SYNPO2: variants seen among roughly 807,000 people sequenced by gnomAD.
SYNPO2 encodes the protein synaptopodin-2.
Under a neutral mutation model 85.0 loss-of-function variants are expected in SYNPO2, and 56 were observed. That is an observed-to-expected ratio of 0.66 (90% CI 0.53 to 0.82). SYNPO2 has a LOEUF of 0.82. Ranked by LOEUF, SYNPO2 falls within the 40% of genes least tolerant of loss-of-function variation. The pLI is 0.00. For synonymous variants in SYNPO2, 602 were observed against 591.1 expected (o/e 1.02, Z -0.27); for missense variants, 1,575 against 1,534.2 (o/e 1.03, Z -0.44).
chr4:118,881,969 T>C (rs181291800), intron 1 of SYNPO2, among the ~76,000 whole-genome samples: 38 of 152,346 alleles, frequency 2.5e-4, no homozygotes, highest in Middle Eastern at 3.4e-3. Context: ...TAAATATAGG[T>C]CCTCAAGTGT....
chr4:118,954,221 A>G (rs1358017561), intron 1 of SYNPO2, among the ~76,000 whole-genome samples: 1 of 152,180 alleles, frequency 6.6e-6, no homozygotes, highest in Admixed American at 6.6e-5. Flanking sequence ...TGTAGTCTGT[A>G]TCTTTAAAAC....
chr4:118,902,240 C>T (rs1277134967), intron 1 of SYNPO2, among the ~76,000 whole-genome samples: 3 of 152,188 alleles, frequency 2.0e-5, no homozygotes, highest in Admixed American at 6.5e-5. Flanking sequence ...TCATCCATTT[C>T]GGCTTCTCAT....
At position 118,915,429 on chromosome 4, in the gene SYNPO2, T is replaced by A. The variant is rs189396379; in HGVS notation, c.105+26288T>A. On this transcript the variant is annotated intron_variant, in intron 1 of 4. Coordinates refer to ENST00000307142, the MANE Select transcript of SYNPO2 (RefSeq NM_133477.3). The stretch of plus-strand genomic sequence containing the variant: ...TTATTTTAGTTGGTTTTAGCTTTTT[T>A]AAAAGGGTACCATGCTGTATGTAAT... 4.3e-3 allele frequency among the ~76,000 whole-genome samples: 656 copies of A among 152,324 alleles called. 7 individuals carry two copies. Among genetic ancestry groups the A allele is most frequent in the African/African-American group, 0.015 (610 of 41,568 alleles).
At chr4:118,856,144 G>T (rs1426295727) in intron 1 of SYNPO2, among the ~76,000 whole-genome samples, 4 of 152,172 alleles carry the variant, frequency 2.6e-5, no homozygotes, top group Non-Finnish European at 5.9e-5. Flanking sequence ...TTTGAGGGTA[G>T]GAGCCATATA....
intron 1 of SYNPO2, among the ~76,000 whole-genome samples, chr4:119,004,404 G>A (rs1286971436): frequency 1.4e-5 from 2 of 145,356 alleles, no homozygotes; most frequent in Admixed American, 7.0e-5. Flanking sequence ...AGTCCCCGGT[G>A]TGTGATGTTC....
intron 1 of SYNPO2, among the ~76,000 whole-genome samples, chr4:118,921,001 A>G (rs1217370841): frequency 6.6e-6 from 1 of 151,970 alleles, no homozygotes; most frequent in Non-Finnish European, 1.5e-5. Flanking sequence ...GGGATCTGGA[A>G]TCAAGTGATC....
intron 1 of SYNPO2, among the ~76,000 whole-genome samples, chr4:118,996,973 G>A (rs1434105918): frequency 6.6e-6 from 1 of 151,766 alleles, no homozygotes; most frequent in Non-Finnish European, 1.5e-5. Flanking sequence ...GGGCGCGGTG[G>A]CTCACGCCTG....
intron 1 of SYNPO2, chr4:119,006,346 C>A (rs188286933): frequency 6.6e-6 from 1 of 152,264 alleles, no homozygotes; most frequent in East Asian, 1.9e-4. Context: ...GAATTTGTGT[C>A]CATAACCCAA....
At chr4:119,023,869 ACTTAATATTT>A (rs1242848659) in intron 2 of SYNPO2, among the ~76,000 whole-genome samples, 1 of 152,226 alleles carries the variant, frequency 6.6e-6, no homozygotes, top group African/African-American at 2.4e-5. Context: ...ATTGAGCATA[ACTTAATATTT>A]CTTTGATAGG....
At chr4:118,970,476 C>A (rs1366474364) in intron 1 of SYNPO2, among the ~76,000 whole-genome samples, 1 of 151,996 alleles carries the variant, frequency 6.6e-6, no homozygotes, top group African/African-American at 2.4e-5. Flanking sequence ...AGTTTGTATC[C>A]CTCCAATTTT....
chr4:119,039,152 T>C (rs1408441472), intron 4 of SYNPO2, among the ~76,000 whole-genome samples: 1 of 152,188 alleles, frequency 6.6e-6, no homozygotes, highest in Non-Finnish European at 1.5e-5. Context: ...TAAGCACTTT[T>C]TTGGTCACCA....
rs1047555490 is a variant in SYNPO2 at position 118,921,090 on chromosome 4, A to G, written c.105+31949A>G. Among the ~76,000 whole-genome samples, 5 of 152,156 alleles carry G rather than the reference A, an allele frequency of 3.3e-5. No individual in the cohort carries two copies. In the South Asian group the frequency reaches 6.2e-4, roughly 19 times the overall value. ...TGGCTATTTTTTACTTTTATTTTGT[A>G]GAGACAGAGTCTCGCTGTGTTGTCC... is the stretch of plus-strand genomic sequence containing the variant. On this transcript the variant is annotated intron_variant, in intron 1 of 4. Coordinates refer to ENST00000307142, the MANE Select transcript of SYNPO2 (RefSeq NM_133477.3).
At chr4:119,055,099 A>G (rs1739170035) in intron 4 of SYNPO2, among the ~76,000 whole-genome samples, 1 of 152,278 alleles carries the variant, frequency 6.6e-6, no homozygotes, top group South Asian at 2.1e-4. Flanking sequence ...CAAGACAGTT[A>G]AAGAGTCTCT....
At chr4:118,864,149 G>T (rs1466431795) in intron 1 of SYNPO2, among the ~76,000 whole-genome samples, 1 of 152,014 alleles carries the variant, frequency 6.6e-6, no homozygotes, top group Non-Finnish European at 1.5e-5. Flanking sequence ...TTGGAATGTT[G>T]TACTTCCATT....
chr4:118,875,822 G>A (rs915861456), intron 1 of SYNPO2, among the ~76,000 whole-genome samples: 5 of 152,148 alleles, frequency 3.3e-5, no homozygotes, highest in African/African-American at 1.2e-4. Flanking sequence ...TTCCACACTG[G>A]GTGAATTGGC....
chr4:119,055,153 A>ATT (rs1223824240), intron 4 of SYNPO2, among the ~76,000 whole-genome samples: 2 of 145,500 alleles, frequency 1.4e-5, no homozygotes, highest in African/African-American at 5.5e-5. Flanking sequence ...TTATTTATTT[A>ATT]TTTATTTTTT....
chr4:119,053,576 T>C lies in SYNPO2; in HGVS notation c.3253-3825T>C, dbSNP rs143191430. Reference sequence around the variant, plus strand: ...TTCAATCCTAGGTTTTAATTTCCCTTCAGAAAGCCCTGGCTTACTCTTTCA... The same window carrying C: ...TTCAATCCTAGGTTTTAATTTCCCTCCAGAAAGCCCTGGCTTACTCTTTCA... On this transcript the variant is annotated intron_variant, in intron 4 of 4. Transcript: ENST00000307142. Among the ~76,000 whole-genome samples, 76 of 152,330 alleles carry C rather than the reference T, an allele frequency of 5.0e-4. 1 individual carries two copies. The highest frequency in any genetic ancestry group is 1.7e-3 in the African/African-American group (69 of 41,586).
chr4:119,043,091 G>GTTTTT, intron 4 of SYNPO2: 1 of 152,440 alleles, frequency 6.6e-6, no homozygotes, highest in Non-Finnish European at 1.5e-5. Context: ...GTTTTGTTTT[G>GTTTTT]TTTTGTTTTT....
In SYNPO2 at chr4:119,027,196, CAGG is replaced by C. The variant is rs1327958270; in HGVS notation, c.830_832del (p.Gly277del). On this transcript the variant is annotated inframe_deletion, in exon 3 of 5. Coordinates refer to ENST00000307142, the MANE Select transcript of SYNPO2 (RefSeq NM_133477.3). ...TTGAGAGTGATCCAGGAAAGTGAAGCAGGAGATGCGGGACTGCCCCGGGTGGAA... is the reference window on the plus strand; with the variant it reads ...TTGAGAGTGATCCAGGAAAGTGAAGCAGATGCGGGACTGCCCCGGGTGGAA... 6.2e-7 allele frequency: 1 copy of C among 1,614,146 alleles called. No homozygotes were observed. The highest frequency in any genetic ancestry group is 2.2e-5 in the East Asian group (1 of 44,866).
Sources: gnomAD v4.1 joint callset for allele counts (sites outside exome capture counted in the v4.1 genomes callset) on GRCh38, gnomAD v4.1.1 for gene constraint, MANE v1.5 for transcripts, NCBI Gene and HGNC (gene_info 2026-07-23, HGNC 2026-07-21) for gene names.